SDK1: variants seen among roughly 807,000 people sequenced by gnomAD.
The protein encoded by SDK1 is protein sidekick-1.
SDK1 carries 157 observed loss-of-function variants against 245.5 expected under a neutral mutation model. That is an observed-to-expected ratio of 0.64 (90% confidence interval 0.56 to 0.73). The LOEUF is 0.73. Ranked by LOEUF, SDK1 falls within the 30% of genes least tolerant of loss-of-function variation. The pLI, the probability that SDK1 is intolerant of heterozygous loss-of-function variation, is 0.00. For missense variants in SDK1, 3,583 were observed against 3,002.3 expected, an observed-to-expected ratio of 1.19 and a Z score of -4.52; for synonymous variants, 1,647 against 1,278.5, an observed-to-expected ratio of 1.29 and a Z score of -6.15.
rs147545283 is a variant in SDK1 at position 3,501,219 on chromosome 7, T to C, written c.299-117861T>C. ...TTGGGGTAACTTTTGTCAGTATCTT[T>C]TCTTAGTATCTTTAGAGAATTCCTC... On this transcript the variant is annotated intron_variant, in intron 1 of 44. Coordinates refer to ENST00000404826, the MANE Select transcript of SDK1 (RefSeq NM_152744.4). Among the ~76,000 whole-genome samples, 53 of 152,254 alleles carry C rather than the reference T, an allele frequency of 3.5e-4. 1 individual carries two copies. The East Asian group carries it at 0.01, about 29-fold the overall frequency.
At chr7:3,556,489 A>G (rs1223643402) in intron 1 of SDK1, among the ~76,000 whole-genome samples, 1 of 152,180 alleles carries the variant, frequency 6.6e-6, no homozygotes, top group East Asian at 1.9e-4. Flanking sequence ...ATTTCATAGT[A>G]CAACAGGGTG....
intron 4 of SDK1, among the ~76,000 whole-genome samples, chr7:3,775,333 C>T (rs1332107499): frequency 6.6e-6 from 1 of 152,160 alleles, no homozygotes; most frequent in Non-Finnish European, 1.5e-5. Flanking sequence ...TGGCAACTGC[C>T]TATGGTTCAA....
In SDK1 at chr7:3,987,632, A is replaced by G. The variant is rs568665392; in HGVS notation, c.2131+310A>G. Reference sequence around the variant, plus strand: ...CCCAGGGCGAGCTGGAAATGGGTTAACAATGCCTGCCACCTGGGTGACTTG... The same window carrying G: ...CCCAGGGCGAGCTGGAAATGGGTTAGCAATGCCTGCCACCTGGGTGACTTG... On this transcript the variant is annotated intron_variant, in intron 14 of 44. Transcript: ENST00000404826. Among the ~76,000 whole-genome samples the G allele has an allele frequency of 2.6e-4, 40 of 152,226 alleles. 1 individual carries two copies. Among genetic ancestry groups the G allele is most frequent in the Non-Finnish European group, 4.7e-4 (32 of 68,012 alleles).
chr7:3,548,933 G>C (rs1246739416), intron 1 of SDK1, among the ~76,000 whole-genome samples: 1 of 152,168 alleles, frequency 6.6e-6, no homozygotes, highest in Non-Finnish European at 1.5e-5. Context: ...CTTCTGTTAA[G>C]ATCCAGCCAT....
At chr7:3,476,519 C>A (rs1202529153) in intron 1 of SDK1, among the ~76,000 whole-genome samples, 1 of 152,104 alleles carries the variant, frequency 6.6e-6, no homozygotes, top group Non-Finnish European at 1.5e-5. Context: ...CTTCTAATAC[C>A]TTATTACCAA....
intron 1 of SDK1, among the ~76,000 whole-genome samples, chr7:3,434,847 C>T (rs1779973104): frequency 6.6e-6 from 1 of 152,150 alleles, no homozygotes; most frequent in African/African-American, 2.4e-5. Context: ...TGCCAAGACT[C>T]CTCATTGAGC....
At chr7:3,370,290 C>G (rs1488783821) in intron 1 of SDK1, among the ~76,000 whole-genome samples, 2 of 152,180 alleles carry the variant, frequency 1.3e-5, no homozygotes, top group African/African-American at 4.8e-5. Flanking sequence ...ATGGCTCTTT[C>G]TCTTCAGTAC....
At chr7:4,096,808 T>G (rs1782176317) in intron 22 of SDK1, among the ~76,000 whole-genome samples, 1 of 151,846 alleles carries the variant, frequency 6.6e-6, no homozygotes. Flanking sequence ...ACATAGGAGC[T>G]GAGATTCAGG....
chr7:3,455,758 A>G (rs895338168), intron 1 of SDK1, among the ~76,000 whole-genome samples: 1 of 152,166 alleles, frequency 6.6e-6, no homozygotes, highest in East Asian at 1.9e-4. Context: ...TAGCTATTCT[A>G]GGTTCTTTGC....
chr7:3,586,537 A>G (rs1258891956), intron 1 of SDK1, among the ~76,000 whole-genome samples: 1 of 150,368 alleles, frequency 6.7e-6, no homozygotes, highest in Non-Finnish European at 1.5e-5. Flanking sequence ...CTCTACAAAA[A>G]ATACAAAAAA....
intron 44 of SDK1, among the ~76,000 whole-genome samples, chr7:4,262,505 G>T (rs1368791986): frequency 6.6e-6 from 1 of 151,604 alleles, no homozygotes; most frequent in East Asian, 2.0e-4. Flanking sequence ...TCAAACATCA[G>T]TGGGAGGCCT....
chr7:4,162,366 GTTGTTATTATTATTATTA>G (rs1294605410), intron 32 of SDK1, among the ~76,000 whole-genome samples: 4 of 109,020 alleles, frequency 3.7e-5, no homozygotes, highest in African/African-American at 1.4e-4. Flanking sequence ...GGTTGTTGTT[GTTGTTATTATTATTATTA>G]TTATTATTAT....
intron 1 of SDK1, among the ~76,000 whole-genome samples, chr7:3,418,572 C>G (rs1475333481): frequency 1.3e-5 from 2 of 152,066 alleles, no homozygotes; most frequent in Non-Finnish European, 2.9e-5. Flanking sequence ...GGACTTGAAA[C>G]ATAGCCTTAA....
intron 1 of SDK1, among the ~76,000 whole-genome samples, chr7:3,395,808 T>G (rs1781882124): frequency 6.6e-6 from 1 of 151,956 alleles, no homozygotes; most frequent in Non-Finnish European, 1.5e-5. Flanking sequence ...CTTTCTAATC[T>G]GTGAGGGGTC....
chr7:3,986,686 C>T (rs182360122), intron 13 of SDK1, among the ~76,000 whole-genome samples: 2 of 152,040 alleles, frequency 1.3e-5, no homozygotes, highest in African/African-American at 4.8e-5. Context: ...TGGTGTGAAA[C>T]CCCATCTCTA....
At chr7:3,338,797 T>G (rs1780271401) in intron 1 of SDK1, among the ~76,000 whole-genome samples, 1 of 152,168 alleles carries the variant, frequency 6.6e-6, no homozygotes, top group Non-Finnish European at 1.5e-5. Flanking sequence ...TTACATATGC[T>G]TACTGTAGTC....
intron 1 of SDK1, among the ~76,000 whole-genome samples, chr7:3,363,746 G>A (rs1781014275): frequency 6.6e-6 from 1 of 152,192 alleles, no homozygotes; most frequent in Non-Finnish European, 1.5e-5. Flanking sequence ...TGCTGCTGCT[G>A]ATTTGCCCGG....
chr7:3,712,541 G>A (rs574957142), intron 4 of SDK1, among the ~76,000 whole-genome samples: 45 of 152,290 alleles, frequency 3.0e-4, no homozygotes, highest in African/African-American at 1.0e-3. Context: ...TCTGGTCTGT[G>A]GATAAATTGT....
At chr7:3,761,260 CTTTT>C (rs71029692) in intron 4 of SDK1, among the ~76,000 whole-genome samples, 5 of 93,756 alleles carry the variant, frequency 5.3e-5, no homozygotes, top group Non-Finnish European at 8.1e-5. Flanking sequence ...GCCCCCCCTC[CTTTT>C]TTTTTTTTTT....
Sources: allele counts gnomAD v4.1 joint callset (sites outside exome capture counted in the v4.1 genomes callset), GRCh38; gene constraint gnomAD v4.1.1; transcripts MANE v1.5; gene names NCBI Gene and HGNC (gene_info 2026-07-23, HGNC 2026-07-21).